CDH18: variants seen among roughly 807,000 people sequenced by gnomAD.
CDH18 encodes cadherin 18.
Under a neutral mutation model 67.9 loss-of-function variants are expected in CDH18, and 31 were observed. The ratio of observed to expected loss-of-function variants is 0.46; its 90% CI spans 0.34 to 0.62. CDH18 has a LOEUF of 0.62. Ranked by LOEUF, CDH18 falls within the 20% of genes least tolerant of loss-of-function variation. CDH18 has a pLI of 0.01. For missense variants in CDH18, 890 were observed against 975.5 expected (o/e 0.91, Z 1.17); for synonymous variants, 362 against 347.2 (o/e 1.04, Z -0.48).
Position 20,292,038 on chromosome 5 carries a change from C to G in CDH18, c.-579-36533G>C, listed in dbSNP as rs553597831. On this transcript the variant is annotated intron_variant, in intron 1 of 14. Transcript: ENST00000507958. Reference sequence around the variant, plus strand: ...TCTTTGACTCAGAAACTCTCTGAAGCTTTAAGTGGCCTCCTCGGCTGAGCA... The same window carrying G: ...TCTTTGACTCAGAAACTCTCTGAAGGTTTAAGTGGCCTCCTCGGCTGAGCA... Among the ~76,000 whole-genome samples, 17 of 152,268 alleles carry G rather than the reference C, an allele frequency of 1.1e-4. No homozygotes were observed. The Middle Eastern group carries it at 0.01, about 91-fold the overall frequency.
intron 2 of CDH18, among the ~76,000 whole-genome samples, chr5:20,136,893 C>G (rs537478521): frequency 6.6e-6 from 1 of 152,248 alleles, no homozygotes; most frequent in East Asian, 1.9e-4. Flanking sequence ...AAATTCTTTT[C>G]TTTAAGAATG....
chr5:19,923,497 T>G (rs1220370408), intron 2 of CDH18, among the ~76,000 whole-genome samples: 1 of 152,172 alleles, frequency 6.6e-6, no homozygotes, highest in Non-Finnish European at 1.5e-5. Context: ...TACCTACAGA[T>G]TTAATTTGCT....
chr5:19,680,179 G>A (rs1010768879), intron 5 of CDH18, among the ~76,000 whole-genome samples: 1 of 151,938 alleles, frequency 6.6e-6, no homozygotes, highest in Non-Finnish European at 1.5e-5. Context: ...CATGTGGAAA[G>A]GATTCCCTAT....
intron 5 of CDH18, among the ~76,000 whole-genome samples, chr5:19,699,394 C>G (rs1241537747): frequency 2.6e-5 from 4 of 152,096 alleles, no homozygotes; most frequent in Non-Finnish European, 5.9e-5. Context: ...CTATACAACA[C>G]AGCTCATATT....
intron 2 of CDH18, among the ~76,000 whole-genome samples, chr5:19,921,635 C>T (rs1029872842): frequency 1.2e-4 from 18 of 150,774 alleles, no homozygotes; most frequent in African/African-American, 4.1e-4. Flanking sequence ...CCTGTAAAAA[C>T]GAGGAAAACT....
intron 1 of CDH18, 22 bp from the exon 2 acceptor site, chr5:19,981,200 T>G (rs769000614): frequency 1.3e-5 from 2 of 152,126 alleles, no homozygotes; most frequent in Non-Finnish European, 2.9e-5. Context: ...TGACAAGAGT[T>G]TCTTGTTGAA....
At chr5:20,298,202 A>G (rs1225246332) in intron 1 of CDH18, among the ~76,000 whole-genome samples, 2 of 152,182 alleles carry the variant, frequency 1.3e-5, no homozygotes, top group Non-Finnish European at 2.9e-5. Context: ...TCTTTTGTAA[A>G]ATTTCCCAGT....
intron 1 of CDH18, among the ~76,000 whole-genome samples, chr5:20,467,994 GTATT>G (rs1751770552): frequency 9.1e-6 from 1 of 110,340 alleles, no homozygotes; most frequent in Non-Finnish European, 1.9e-5. Context: ...TTTTATTTAT[GTATT>G]TATTTATGTA....
chr5:20,514,863 T>C (rs1279048143), intron 1 of CDH18, among the ~76,000 whole-genome samples: 1 of 152,154 alleles, frequency 6.6e-6, no homozygotes, highest in African/African-American at 2.4e-5. Flanking sequence ...CTGTATGCCA[T>C]GAAGTTTTTG....
At chr5:20,357,550 G>GA (rs1413120815) in intron 1 of CDH18, among the ~76,000 whole-genome samples, 5 of 152,008 alleles carry the variant, frequency 3.3e-5, no homozygotes, top group African/African-American at 7.2e-5. Flanking sequence ...CAAAAAACAT[G>GA]AAAAAATGCT....
At chr5:20,228,104 T>C (rs1052049376) in intron 2 of CDH18, among the ~76,000 whole-genome samples, 12 of 152,154 alleles carry the variant, frequency 7.9e-5, no homozygotes, top group African/African-American at 2.2e-4. Flanking sequence ...AAACACTCTG[T>C]CCTTAGTTTC....
chr5:19,787,812 T>A (rs1775970595), intron 3 of CDH18, among the ~76,000 whole-genome samples: 1 of 148,452 alleles, frequency 6.7e-6, no homozygotes. Context: ...TTTACAGTTA[T>A]ATATATATAT....
At chr5:20,373,687 C>G (rs1407246077) in intron 1 of CDH18, among the ~76,000 whole-genome samples, 1 of 151,248 alleles carries the variant, frequency 6.6e-6, no homozygotes, top group Non-Finnish European at 1.5e-5. Context: ...ACAATTAGGC[C>G]AAGAACTATG....
Position 20,265,917 on chromosome 5 carries a change from C to T in CDH18, c.-579-10412G>A, listed in dbSNP as rs185542982. 2.0e-5 allele frequency among the ~76,000 whole-genome samples: 3 copies of T among 152,306 alleles called. No homozygotes were observed. The East Asian group carries it at 5.8e-4, about 29-fold the overall frequency. ...TAGCTAGTAAAGATGACTGACCTCA[C>T]AAATGTGGGTGGACATCACCAAATC... is the stretch of plus-strand genomic sequence containing the variant. On this transcript the variant is annotated intron_variant, in intron 1 of 14. Transcript: ENST00000507958.
chr5:19,817,174 C>A (rs1581482966), intron 3 of CDH18, among the ~76,000 whole-genome samples: 2 of 151,954 alleles, frequency 1.3e-5, no homozygotes. Context: ...ACGGGGATAT[C>A]TTTTTTTCAC....
chr5:20,098,825 T>C (rs1405287932), intron 2 of CDH18, among the ~76,000 whole-genome samples: 1 of 152,146 alleles, frequency 6.6e-6, no homozygotes, highest in East Asian at 1.9e-4. Flanking sequence ...GTTTTTGCTA[T>C]ACTTGGTCAT....
intron 1 of CDH18, among the ~76,000 whole-genome samples, chr5:20,405,717 C>T (rs1236537064): frequency 4.6e-5 from 7 of 152,074 alleles, no homozygotes; most frequent in Non-Finnish European, 2.9e-5. Context: ...CCAGAATCTA[C>T]AAAGAACTCA....
At chr5:19,525,180 G>T (rs1263537638) in intron 9 of CDH18, among the ~76,000 whole-genome samples, 1 of 152,144 alleles carries the variant, frequency 6.6e-6, no homozygotes, top group Non-Finnish European at 1.5e-5. Context: ...GCAAGCAGTT[G>T]ACTGCTATCA....
intron 3 of CDH18, among the ~76,000 whole-genome samples, chr5:19,803,164 A>G (rs947092896): frequency 6.6e-6 from 1 of 152,244 alleles, no homozygotes; most frequent in African/African-American, 2.4e-5. Context: ...ACAGTGAACA[A>G]TAACAATGCA....
Sources: allele counts gnomAD v4.1 joint callset (sites outside exome capture counted in the v4.1 genomes callset), GRCh38; gene constraint gnomAD v4.1.1; transcripts MANE v1.5; gene names NCBI Gene and HGNC (gene_info 2026-07-23, HGNC 2026-07-21).